The following ZEB1 variants were observed in gnomAD, a reference collection of about 807,000 sequenced individuals.
ZEB1 encodes the protein zinc finger E-box-binding homeobox 1.
Under a neutral mutation model 84.9 loss-of-function variants are expected in ZEB1, and 21 were observed. The observed-to-expected ratio is 0.25, with a 90% CI of 0.18 to 0.36. The LOEUF is 0.36. ZEB1 is among the 10% of genes least tolerant of loss of function. The pLI is 1.00. For synonymous variants in ZEB1, 420 were observed against 471.1 expected, an observed-to-expected ratio of 0.89 and a Z score of 1.41; for missense variants, 1,104 against 1,330.2, an observed-to-expected ratio of 0.83 and a Z score of 2.65.
chr10:31,402,747 T>A (rs2052299933), intron 1 of ZEB1, among the ~76,000 whole-genome samples: 1 of 152,078 alleles, frequency 6.6e-6, no homozygotes, highest in Admixed American at 6.6e-5. Context: ...TGCTCAGTCT[T>A]GAGTCTGTTG....
At chr10:31,428,256 C>T (rs2057243021) in intron 1 of ZEB1, among the ~76,000 whole-genome samples, 1 of 152,018 alleles carries the variant, frequency 6.6e-6, no homozygotes, top group Admixed American at 6.6e-5. Context: ...GATTCTGGTA[C>T]ATTGTCTCTT....
chr10:31,519,885 C>T (rs1461388542), intron 6 of ZEB1, among the ~76,000 whole-genome samples: 2 of 152,128 alleles, frequency 1.3e-5, no homozygotes, highest in African/African-American at 2.4e-5. Context: ...ATATTATACA[C>T]ATATGCTGAG....
chr10:31,363,488 A>G, intron 1 of ZEB1: 1 of 1,531,424 alleles, frequency 6.5e-7, no homozygotes, highest in Non-Finnish European at 8.7e-7. Flanking sequence ...AGGGGCCTAG[A>G]GGTGGAGGCT....
intron 1 of ZEB1, among the ~76,000 whole-genome samples, chr10:31,401,943 A>G (rs2052102873): frequency 6.6e-6 from 1 of 152,092 alleles, no homozygotes; most frequent in South Asian, 2.1e-4. Context: ...TCTTCCAAGA[A>G]TGACTGAAGC....
In ZEB1 at chr10:31,521,566, G is replaced by C; in HGVS notation, c.2234G>C (p.Gly745Ala). The C allele has an allele frequency of 6.2e-7, 1 of 1,614,108 alleles. No individual in the cohort carries two copies. Among genetic ancestry groups the C allele is most frequent in the Non-Finnish European group, 8.5e-7 (1 of 1,180,018 alleles). Residue 745 changes from glycine (G) to alanine (A), a missense_variant, in exon 7 of 9, where the codon GGA (glycine) becomes GCA (alanine). Physicochemically the swap from Gly to Ala is moderately conservative, Grantham distance 60. Transcript: ENST00000424869. ...GATCTTTCACTACCAAAGCAACAGG[G>C]AGAATTATTAGAAAGGTCAACTATC... Reference protein sequence around the residue: ...PLDLSLPKQQGELLERSTITS... With the variant: ...PLDLSLPKQQAELLERSTITS...
chr10:31,357,165 T>C (rs994972757), intron 1 of ZEB1, among the ~76,000 whole-genome samples: 3 of 152,132 alleles, frequency 2.0e-5, no homozygotes, highest in African/African-American at 7.2e-5. Context: ...TTAAAAGAAG[T>C]ACAAAACTAG....
intron 2 of ZEB1, among the ~76,000 whole-genome samples, chr10:31,481,675 A>G (rs1462005533): frequency 6.6e-6 from 1 of 151,954 alleles, no homozygotes; most frequent in Non-Finnish European, 1.5e-5. Context: ...GAATGACTAA[A>G]TGAATGAATG....
At chr10:31,449,819 C>CA (rs2060326980) in intron 1 of ZEB1, among the ~76,000 whole-genome samples, 1 of 152,098 alleles carries the variant, frequency 6.6e-6, no homozygotes, top group South Asian at 2.1e-4. Context: ...ATAATACCAA[C>CA]AGTATGTATC....
At chr10:31,412,157 C>T (rs1392618208) in intron 1 of ZEB1, among the ~76,000 whole-genome samples, 1 of 152,130 alleles carries the variant, frequency 6.6e-6, no homozygotes, top group Non-Finnish European at 1.5e-5. Context: ...CTTTTTTACA[C>T]ATATAATAGA....
Position 31,452,560 on chromosome 10 carries a change from T to C in ZEB1, c.59-8477T>C, listed in dbSNP as rs555792506. Among the ~76,000 whole-genome samples the C allele has an allele frequency of 3.3e-4, 50 of 152,312 alleles. No individual in the cohort carries two copies. The South Asian group carries it at 9.9e-3, about 30-fold the overall frequency. Reference sequence around the variant, plus strand: ...GACTGCAGTTTTGTTTTCATTTTCCTGAATTGTTGCTAACACTTAAGTATA... The same window carrying C: ...GACTGCAGTTTTGTTTTCATTTTCCCGAATTGTTGCTAACACTTAAGTATA... On this transcript the variant is annotated intron_variant, in intron 1 of 8. Transcript: ENST00000424869.
chr10:31,347,488 G>GCT (rs1213422886), intron 1 of ZEB1, among the ~76,000 whole-genome samples: 2 of 152,112 alleles, frequency 1.3e-5, no homozygotes, highest in African/African-American at 2.4e-5. Flanking sequence ...GGGACTACAG[G>GCT]CATGAGCCAC....
chr10:31,437,356 A>G (rs2058413103), intron 1 of ZEB1, among the ~76,000 whole-genome samples: 1 of 152,220 alleles, frequency 6.6e-6, no homozygotes, highest in Admixed American at 6.5e-5. Flanking sequence ...CACTTAAGTC[A>G]GAGGAACTAA....
chr10:31,521,062 C>G lies in ZEB1; in HGVS notation c.1730C>G (p.Ala577Gly). The G allele has an allele frequency of 6.2e-7, 1 of 1,614,092 alleles. No individual in the cohort carries two copies. The highest frequency in any genetic ancestry group is 1.7e-5 in the Admixed American group (1 of 60,008). Residue 577 changes from alanine to glycine, a missense_variant, in exon 7 of 9, where the codon GCT becomes GGT. Physicochemically the swap from Ala to Gly is moderately conservative, Grantham distance 60 (BLOSUM62 0). Coordinates refer to ENST00000424869, the MANE Select transcript of ZEB1 (RefSeq NM_001174096.2). ...AAGCCTGAGTCCTCTGTTTCATCAG[C>G]TACTGGAGATGGCAATTTGTCTCCT... is the stretch of plus-strand genomic sequence containing the variant. ...AEKPESSVSS[A>G]TGDGNLSPSQ... is the part of the protein sequence containing the mutation.
intron 7 of ZEB1, among the ~76,000 whole-genome samples, chr10:31,522,710 C>A (rs1293022730): frequency 1.3e-5 from 2 of 152,096 alleles, no homozygotes; most frequent in Admixed American, 6.6e-5. Flanking sequence ...CCATTTTTTC[C>A]ATCAATTTCT....
intron 1 of ZEB1, among the ~76,000 whole-genome samples, chr10:31,346,460 T>G (rs2040326410): frequency 6.6e-6 from 1 of 152,148 alleles, no homozygotes; most frequent in Non-Finnish European, 1.5e-5. Flanking sequence ...TGAGGTGTTT[T>G]AGTAGTTGCC....
At chr10:31,457,553 G>A (rs2061376308) in intron 1 of ZEB1, among the ~76,000 whole-genome samples, 1 of 151,940 alleles carries the variant, frequency 6.6e-6, no homozygotes, top group Non-Finnish European at 1.5e-5. Context: ...TATCAAACAT[G>A]CTCTGGGAAA....
At chr10:31,442,569 A>T (rs1374353281) in intron 1 of ZEB1, among the ~76,000 whole-genome samples, 1 of 126,628 alleles carries the variant, frequency 7.9e-6, no homozygotes, top group Non-Finnish European at 1.5e-5. Context: ...AATAATAATA[A>T]AAAAAAAAGA....
intron 1 of ZEB1, among the ~76,000 whole-genome samples, chr10:31,325,992 T>G: frequency 6.7e-6 from 1 of 148,508 alleles, no homozygotes; most frequent in African/African-American, 2.5e-5. Flanking sequence ...TTTAAGTAGA[T>G]AGTGCTGAGT....
intron 1 of ZEB1, among the ~76,000 whole-genome samples, chr10:31,403,035 G>A (rs2052358398): frequency 6.6e-6 from 1 of 152,078 alleles, no homozygotes; most frequent in Non-Finnish European, 1.5e-5. Flanking sequence ...AGAAGTATAT[G>A]TATATAGTAA....
Sources: allele counts gnomAD v4.1 joint callset (sites outside exome capture counted in the v4.1 genomes callset), GRCh38; gene constraint gnomAD v4.1.1; transcripts MANE v1.5; gene names NCBI Gene and HGNC (gene_info 2026-07-23, HGNC 2026-07-21).